Variants in MOK observed in about 807,000 individuals in gnomAD.
MOK encodes MAPK/MAK/MRK overlapping kinase.
In MOK, 59 loss-of-function variants were observed where a neutral mutation model predicts 54.2. The ratio of observed to expected loss-of-function variants is 1.09; its 90% CI spans 0.88 to 1.35. The LOEUF (loss-of-function observed/expected upper bound fraction) is 1.35. Ranked by LOEUF, MOK falls within the 40% of genes most tolerant of loss-of-function variation. The pLI is 0.00. For missense variants in MOK, 517 were observed against 526.2 expected, an observed-to-expected ratio of 0.98 and a Z score of 0.17; for synonymous variants, 210 against 202.7, an observed-to-expected ratio of 1.04 and a Z score of -0.31.
intron 7 of MOK, among the ~76,000 whole-genome samples, chr14:102,244,708 A>C (rs1450368057): frequency 6.6e-6 from 1 of 152,194 alleles, no homozygotes; most frequent in African/African-American, 2.4e-5. Context: ...ACAAGGTCAA[A>C]AAAAGGCCAC....
chr14:102,221,404 G>A (rs1302637836), downstream of MOK, among the ~76,000 whole-genome samples: 1 of 152,228 alleles, frequency 6.6e-6, no homozygotes, highest in East Asian at 1.9e-4. This position sits in a 1 kb window ranked among gnomAD's most constrained non-coding sequence, Gnocchi z 4.8. Context: ...TGTCCTGTGT[G>A]AGAGGCTTCC....
chr14:102,238,171 C>T lies in MOK; in HGVS notation c.591-4382G>A, dbSNP rs1017433806. The T allele has an allele frequency of 2.6e-5, 4 of 152,162 alleles. No individual in the cohort carries two copies. The highest frequency in any genetic ancestry group is 5.9e-5 in the Non-Finnish European group (4 of 68,042). The allele number at this position is 152,162 out of a possible 1,614,324, so 9.4% of individuals were successfully genotyped here. A position where few individuals can be genotyped will look rare whatever the true frequency, so the allele number is the denominator to read the frequency against. On this transcript the variant is annotated intron_variant, in intron 7 of 11. Transcript: ENST00000361847. The surrounding 1 kb of genome is among the most constrained non-coding windows in gnomAD (Gnocchi z 4.8). ...CCCCCCTTCTGGGCCCACTGGCTCC[C>T]CCAAAATTGCTGGGTATGCAGTTGT...
chr14:102,242,814 A>G (rs2065819622), intron 7 of MOK, among the ~76,000 whole-genome samples: 1 of 151,670 alleles, frequency 6.6e-6, no homozygotes, highest in African/African-American at 2.4e-5. Context: ...ATACTCTCCT[A>G]TCCTCAATAC....
chr14:102,266,583 T>C (rs2067929987), intron 2 of MOK, among the ~76,000 whole-genome samples: 1 of 152,098 alleles, frequency 6.6e-6, no homozygotes, highest in South Asian at 2.1e-4. Context: ...ATACTCTTTT[T>C]GATTTTTTGT....
intron 1 of MOK, among the ~76,000 whole-genome samples, chr14:102,297,678 T>A (rs977864161): frequency 1.3e-5 from 2 of 151,494 alleles, no homozygotes. Flanking sequence ...CACCGCGAGG[T>A]GTGGAGGGAG....
Position 102,231,832 on chromosome 14 carries a change from G to A in MOK, c.867-11C>T. 1.9e-6 allele frequency: 3 copies of A among 1,609,384 alleles called. No individual in the cohort carries two copies. Among genetic ancestry groups the A allele is most frequent in the Non-Finnish European group, 2.5e-6 (3 of 1,176,652 alleles). Reference sequence around the variant, plus strand: ...CGCTTCTCTGTTTTCCTACGGGGAAGGAGAAGAGAATGGAGCAGCTCCACT... The same window carrying A: ...CGCTTCTCTGTTTTCCTACGGGGAAAGAGAAGAGAATGGAGCAGCTCCACT... On this transcript the variant is annotated splice_polypyrimidine_tract_variant and intron_variant, in intron 9 of 11. Transcript: ENST00000361847. The surrounding 1 kb of genome is among the most constrained non-coding windows in gnomAD (Gnocchi z 4.4).
intron 1 of MOK, among the ~76,000 whole-genome samples, chr14:102,302,807 T>A (rs1216097669): frequency 6.6e-6 from 1 of 151,286 alleles, no homozygotes; most frequent in Non-Finnish European, 1.5e-5. Context: ...TATTTATATA[T>A]AATATATATA....
At chr14:102,237,825 A>G (rs2065357950) in intron 7 of MOK, among the ~76,000 whole-genome samples, 1 of 152,238 alleles carries the variant, frequency 6.6e-6, no homozygotes, top group South Asian at 2.1e-4. Context: ...TGCTAGCAGC[A>G]GCGGCCACTT....
At chr14:102,275,425 G>A (rs150094127) in intron 2 of MOK, among the ~76,000 whole-genome samples, 21 of 151,996 alleles carry the variant, frequency 1.4e-4, no homozygotes, top group Admixed American at 7.9e-4. Flanking sequence ...TTAGCCGGGC[G>A]TGGTGGTGGG....
the MOK span, among the ~76,000 whole-genome samples, chr14:102,215,784 A>G: frequency 6.6e-6 from 1 of 152,304 alleles, no homozygotes; most frequent in South Asian, 2.1e-4. Flanking sequence ...CTTCCTACAC[A>G]GGGCAGTGGG....
At chr14:102,287,299 T>A (rs1229880363) in intron 1 of MOK, among the ~76,000 whole-genome samples, 1 of 152,050 alleles carries the variant, frequency 6.6e-6, no homozygotes, top group Non-Finnish European at 1.5e-5. Flanking sequence ...CGAAACTCCA[T>A]CTCTACTACA....
Position 102,238,526 on chromosome 14 carries a change from G to A in MOK, c.591-4737C>T, listed in dbSNP as rs975993661. On this transcript the variant is annotated intron_variant, in intron 7 of 11. Transcript: ENST00000361847. The surrounding 1 kb of genome is among the most constrained non-coding windows in gnomAD (Gnocchi z 4.8). The stretch of plus-strand genomic sequence containing the variant: ...ATAAAATCTCAAGAGGCAACAGAAA[G>A]ACCAATGGGGCAGCAAAAGAAGCCT... 6.6e-6 allele frequency: 1 copy of A among 152,192 alleles called. No homozygotes were observed. Among genetic ancestry groups the A allele is most frequent in the Non-Finnish European group, 1.5e-5 (1 of 68,116 alleles). 9.4% of individuals were successfully genotyped at this position (152,192 alleles called of 1,614,324 possible).
At position 102,283,675 on chromosome 14, in the gene MOK, A is replaced by G. The variant is rs549094125; in HGVS notation, c.8-83T>C. 32 of 814,810 alleles carry G rather than the reference A, an allele frequency of 3.9e-5. No individual in the cohort carries two copies. In the South Asian group the frequency reaches 5.6e-4, roughly 14 times the overall value. 50.5% of individuals were successfully genotyped at this position (814,810 alleles called of 1,614,324 possible). ...CTTCCAGACAGCAAACTTTTAATCT[A>G]TAAGATAATTTAAACAGCAATATAC... On this transcript the variant is annotated intron_variant, in intron 1 of 11. Transcript: ENST00000361847.
chr14:102,293,862 ATTACT>A (rs542921127), intron 1 of MOK, among the ~76,000 whole-genome samples: 25 of 152,320 alleles, frequency 1.6e-4, no homozygotes, highest in African/African-American at 2.4e-4. Flanking sequence ...ATGAATACAC[ATTACT>A]TTAAATGTGT....
chr14:102,291,520 T>C (rs8010950), intron 1 of MOK, among the ~76,000 whole-genome samples: 46,399 of 152,046 alleles, frequency 0.31, 9,173 homozygotes, highest in African/African-American at 0.57. Context: ...GGGATAGCTG[T>C]TGCTTGCTAA....
intron 2 of MOK, among the ~76,000 whole-genome samples, chr14:102,269,522 G>C (rs1457170487): frequency 6.7e-6 from 1 of 148,208 alleles, no homozygotes; most frequent in Non-Finnish European, 1.5e-5. Context: ...GACCAGGCTA[G>C]AGTGCAGTGG....
In MOK at chr14:102,265,895, T is replaced by C. The variant is rs2067866027; in HGVS notation, c.140A>G (p.Asn47Ser). The change falls in exon 3 of 12, where the codon AAC (asparagine) becomes AGC (serine). Residue 47 changes from asparagine (N) to serine (S), a missense_variant. Coordinates refer to ENST00000361847, the MANE Select transcript of MOK (RefSeq NM_014226.3). ...QRFESIEQVN[N>S]LREIQALRRL... Reference sequence around the variant, plus strand: ...CCTCAGTGCTTGGATCTCTCGTAGGTTGTTGACTTGCTCAATACTATCGTG... The same window carrying C: ...CCTCAGTGCTTGGATCTCTCGTAGGCTGTTGACTTGCTCAATACTATCGTG... 5.6e-6 allele frequency: 9 copies of C among 1,613,768 alleles called. No individual in the cohort carries two copies. Among genetic ancestry groups the C allele is most frequent in the Non-Finnish European group, 7.6e-6 (9 of 1,179,670 alleles).
chr14:102,286,298 CAAAAAAAAA>C (rs60479729), intron 1 of MOK, among the ~76,000 whole-genome samples: 4 of 25,598 alleles, frequency 1.6e-4, no homozygotes, highest in South Asian at 1.7e-3. Flanking sequence ...GACTCCGTCT[CAAAAAAAAA>C]AAAAAAAAAA....
downstream of MOK, chr14:102,225,889 C>T (rs1023973570): frequency 5.4e-6 from 1 of 184,588 alleles, no homozygotes; most frequent in South Asian, 1.0e-4. Flanking sequence ...TTCCCTGGTA[C>T]GATTTGGGTT....
Sources: allele counts gnomAD v4.1 joint callset (sites outside exome capture counted in the v4.1 genomes callset), GRCh38; gene constraint gnomAD v4.1.1; non-coding constraint Gnocchi (gnomAD v3.1); transcripts MANE v1.5; gene names NCBI Gene and HGNC (gene_info 2026-07-23, HGNC 2026-07-21).